The following RFX6 variants were observed in gnomAD, a reference collection of about 807,000 sequenced individuals.
RFX6 encodes the protein regulatory factor X6.
RFX6 carries 50 observed loss-of-function variants against 110.8 expected under a neutral mutation model. The ratio of observed to expected loss-of-function variants is 0.45; its 90% CI spans 0.36 to 0.57. The LOEUF (loss-of-function observed/expected upper bound fraction) is 0.57. RFX6 is among the 20% of genes least tolerant of loss of function. The pLI is 0.00. For missense variants in RFX6, 990 were observed against 1,127.0 expected (o/e 0.88, Z 1.74); for synonymous variants, 383 against 411.2 (o/e 0.93, Z 0.83).
At position 116,924,806 on chromosome 6, in the gene RFX6, CTGTTT is replaced by C; in HGVS notation, c.1678+23_1678+27del. 2 of 1,543,738 alleles carry C rather than the reference CTGTTT, an allele frequency of 1.3e-6. No individual in the cohort carries two copies. The highest frequency in any genetic ancestry group is 1.8e-6 in the Non-Finnish European group (2 of 1,116,360). ...GAAGAATTCAGGTAACTTAAAATAA[CTGTTT>C]TGTTTTGCATATTTCTTTGTTTTAA... On this transcript the variant is annotated intron_variant, in intron 15 of 18. Transcript: ENST00000332958.
chr6:116,928,045 C>T lies in RFX6; in HGVS notation c.2398+506C>T, dbSNP rs367823195. On this transcript the variant is annotated intron_variant, in intron 17 of 18. Coordinates refer to ENST00000332958, the MANE Select transcript of RFX6 (RefSeq NM_173560.4). ...TCCCAAAGGTGTGAGCCAACACCCC[C>T]GGCCTAAAGCTGTCCTCCTAAATAC... Among the ~76,000 whole-genome samples, 306 of 149,798 alleles carry T rather than the reference C, an allele frequency of 2.0e-3. 1 individual carries two copies. Among genetic ancestry groups the T allele is most frequent in the Non-Finnish European group, 3.1e-3 (208 of 67,782 alleles).
At chr6:116,889,505 GC>G (rs1774774168) in intron 4 of RFX6, among the ~76,000 whole-genome samples, 2 of 151,976 alleles carry the variant, frequency 1.3e-5, no homozygotes, top group Non-Finnish European at 2.9e-5. Context: ...CAGGAGTTTT[GC>G]CTGAGATATC....
chr6:116,920,249 A>G (rs1775563299), intron 11 of RFX6, 61 bp from the exon 12 acceptor site: 1 of 1,354,808 alleles, frequency 7.4e-7, no homozygotes, highest in Non-Finnish European at 1.1e-6. Context: ...ATAGCTAAAA[A>G]TTTCTTCTAG....
intron 17 of RFX6, among the ~76,000 whole-genome samples, chr6:116,927,743 C>CTTTTTTTTTTTTTTT (rs60638457): frequency 2.8e-4 from 34 of 119,512 alleles, no homozygotes; most frequent in South Asian, 8.8e-4. Flanking sequence ...GCCCTTCTTC[C>CTTTTTTTTTTTTTTT]TTTTTTTTTT....
chr6:116,914,542 A>G (rs1208297743), intron 7 of RFX6, among the ~76,000 whole-genome samples: 1 of 152,236 alleles, frequency 6.6e-6, no homozygotes, highest in Admixed American at 6.5e-5. Context: ...CTGAAAATAT[A>G]ATAGCATTGC....
In RFX6 at chr6:116,931,725, T is replaced by C. The variant is rs113143006; in HGVS notation, c.*219T>C. 221 of 453,906 alleles carry C rather than the reference T, an allele frequency of 4.9e-4. 1 individual carries two copies. Among genetic ancestry groups the C allele is most frequent in the African/African-American group, 4.1e-3 (208 of 50,880 alleles). The allele number at this position is 453,906 out of a possible 1,614,324, so 28.1% of individuals were successfully genotyped here. A position where few individuals can be genotyped will look rare whatever the true frequency, so the allele number is the denominator to read the frequency against. ...GTTTAAAATGTGAGCTCATTATTAA[T>C]CATAGTTTCAAAATTATCAAATAAA... On this transcript the variant is annotated 3_prime_UTR_variant, in exon 19 of 19. Transcript: ENST00000332958.
chr6:116,924,967 C>CA (rs1436009237), intron 15 of RFX6, among the ~76,000 whole-genome samples, 176 bp downstream of exon 15: 2 of 152,182 alleles, frequency 1.3e-5, no homozygotes, highest in Non-Finnish European at 2.9e-5. Flanking sequence ...TTCTTTCATT[C>CA]ATTGCTATGT....
Position 116,929,224 on chromosome 6 carries a change from G to A in RFX6, c.2611+253G>A, listed in dbSNP as rs661894. Among the ~76,000 whole-genome samples, 36,990 of 152,016 alleles carry A rather than the reference G, an allele frequency of 0.24. 4,886 individuals are homozygous for A. The highest frequency in any genetic ancestry group is 0.42 in the South Asian group (2,021 of 4,822). On this transcript the variant is annotated intron_variant, in intron 18 of 18. Transcript: ENST00000332958. ...TTACTTTTTACAAAAAAAATAGCTGGTATCTATTAAGTATGCAAAAGATTA... is the reference window on the plus strand; with the variant it reads ...TTACTTTTTACAAAAAAAATAGCTGATATCTATTAAGTATGCAAAAGATTA...
intron 7 of RFX6, among the ~76,000 whole-genome samples, chr6:116,914,890 GTTA>G (rs1461916491): frequency 1.3e-5 from 2 of 152,216 alleles, no homozygotes; most frequent in South Asian, 2.1e-4. Context: ...TATAGCTACT[GTTA>G]TTATCATGTC....
chr6:116,915,894 A>C (rs1775451069), intron 7 of RFX6, 114 bp from the exon 8 acceptor site: 1 of 797,554 alleles, frequency 1.3e-6, no homozygotes, highest in Admixed American at 1.8e-5. Flanking sequence ...CTCAACATTG[A>C]GCATACTGCT....
intron 9 of RFX6, among the ~76,000 whole-genome samples, chr6:116,917,252 G>A: frequency 6.6e-6 from 1 of 151,558 alleles, no homozygotes; most frequent in Non-Finnish European, 1.5e-5. Flanking sequence ...CAGGATAGGA[G>A]AAAGGAGGAA....
At chr6:116,909,469 C>G (rs1205932551) in intron 6 of RFX6, among the ~76,000 whole-genome samples, 1 of 151,538 alleles carries the variant, frequency 6.6e-6, no homozygotes, top group African/African-American at 2.4e-5. Flanking sequence ...AGTAACATTC[C>G]TTGACAGTGC....
rs769819742 is a variant in RFX6, at chr6:116,924,783, A to C, written c.1670A>C (p.Lys557Thr). ...ELQNLLDKYM[K>T]NSDASKAAFT... ...CAGAATTTATTGGACAAGTATATGA[A>C]GAATTCAGGTAACTTAAAATAACTG... Residue 557 changes from lysine to threonine, a missense_variant, in exon 15 of 19, where the codon AAG becomes ACG. This residue lies in a region of RFX6 where 89 missense variants were observed against 140.3 expected (regional missense o/e 0.63). Transcript: ENST00000332958. 1 of 1,582,514 alleles carries C rather than the reference A, an allele frequency of 6.3e-7. No individual in the cohort carries two copies. Among genetic ancestry groups the C allele is most frequent in the South Asian group, 1.1e-5 (1 of 90,436 alleles).
chr6:116,879,162 GAATA>G (rs1340761759), intron 2 of RFX6, among the ~76,000 whole-genome samples: 1 of 151,592 alleles, frequency 6.6e-6, no homozygotes, highest in Non-Finnish European at 1.5e-5. Flanking sequence ...TTTCTTTTAT[GAATA>G]AATGTATACA....
chr6:116,912,045 C>A lies in RFX6; in HGVS notation c.780+1003C>A, dbSNP rs144100714. On this transcript the variant is annotated intron_variant, in intron 7 of 18. Transcript: ENST00000332958. ...CATGTCTTTTGCAGCAACATGGATG[C>A]AGCTGGAGGCCATTAACATAAGCAA... Among the ~76,000 whole-genome samples, 406 of 152,172 alleles carry A rather than the reference C, an allele frequency of 2.7e-3. 3 individuals carry two copies. The highest frequency in any genetic ancestry group is 9.2e-3 in the African/African-American group (383 of 41,532).
At chr6:116,905,683 C>A (rs1237242329) in intron 6 of RFX6, among the ~76,000 whole-genome samples, 2 of 151,906 alleles carry the variant, frequency 1.3e-5, no homozygotes, top group Non-Finnish European at 2.9e-5. Flanking sequence ...TCCCAAGGAG[C>A]TGGGACTGCA....
At chr6:116,883,579 T>G (rs1774638601) in intron 4 of RFX6, among the ~76,000 whole-genome samples, 1 of 152,174 alleles carries the variant, frequency 6.6e-6, no homozygotes, top group Non-Finnish European at 1.5e-5. Flanking sequence ...ATATAAAAAT[T>G]ATTAATCGGA....
At position 116,880,544 on chromosome 6, in the gene RFX6, G is replaced by A; in HGVS notation, c.381G>A (p.Trp127Ter). 1.2e-6 allele frequency: 2 copies of A among 1,612,364 alleles called. No individual in the cohort carries two copies. Among genetic ancestry groups the A allele is most frequent in the Non-Finnish European group, 1.7e-6 (2 of 1,178,864 alleles). The change falls in exon 3 of 19, where the codon TGG becomes TGA. Residue 127 changes from tryptophan to a stop codon, truncating the protein, a stop_gained and splice_region_variant. Transcript: ENST00000332958. LOFTEE classifies it high-confidence loss of function. ...KKKQTQLTLQWLEENYIVCEG... is the reference protein window; with the variant it reads ...KKKQTQLTLQ The stretch of plus-strand genomic sequence containing the variant: ...CCTAATTTTTGTTCCTTTTTCTTAG[G>A]CTTGAAGAGAATTACATTGTATGTG...
At chr6:116,927,655 C>G (rs1775775865) in intron 17 of RFX6, 116 bp downstream of exon 17, 1 of 843,422 alleles carries the variant, frequency 1.2e-6, no homozygotes, top group Non-Finnish European at 1.9e-6. Flanking sequence ...TTCCAAAGAT[C>G]ATGGAATCTT....
Sources: gnomAD v4.1 joint callset for allele counts (sites outside exome capture counted in the v4.1 genomes callset) on GRCh38, gnomAD v4.1.1 for gene constraint, gnomAD v4.1.1 regional missense constraint, MANE v1.5 for transcripts, NCBI Gene and HGNC (gene_info 2026-07-23, HGNC 2026-07-21) for gene names.